CHN1: variants seen among roughly 807,000 people sequenced by gnomAD.
CHN1 encodes chimerin 1, also known as N-chimaerin.
In CHN1, 37 loss-of-function variants were observed where a neutral mutation model predicts 59.5. The ratio of observed to expected loss-of-function variants is 0.62; its 90% CI spans 0.48 to 0.82. CHN1 has a LOEUF of 0.82. Among genes scored for constraint, CHN1 ranks in the 40% least tolerant of loss-of-function variants. CHN1 has a pLI of 0.00. For synonymous variants in CHN1, 206 were observed against 200.4 expected, an observed-to-expected ratio of 1.03 and a Z score of -0.24; for missense variants, 469 against 571.0, an observed-to-expected ratio of 0.82 and a Z score of 1.82.
intron 1 of CHN1, among the ~76,000 whole-genome samples, chr2:174,975,646 C>T (rs927092945): frequency 7.7e-6 from 1 of 130,082 alleles, no homozygotes; most frequent in Admixed American, 7.4e-5. Flanking sequence ...GCAAAAAAAA[C>T]AAAACAAACA....
chr2:174,832,611 A>T (rs1685918319), intron 7 of CHN1, among the ~76,000 whole-genome samples: 1 of 152,064 alleles, frequency 6.6e-6, no homozygotes. Flanking sequence ...AGTATGTGGG[A>T]AATTTTTCAG....
At chr2:174,893,317 T>C (rs374812996) in intron 5 of CHN1, among the ~76,000 whole-genome samples, 12 of 152,302 alleles carry the variant, frequency 7.9e-5, no homozygotes, top group Middle Eastern at 3.4e-3. Flanking sequence ...TATATTTCTA[T>C]GTAGTAACAA....
At chr2:174,819,710 A>T (rs1027456064) in intron 8 of CHN1, among the ~76,000 whole-genome samples, 2 of 151,874 alleles carry the variant, frequency 1.3e-5, no homozygotes, top group African/African-American at 4.8e-5. Context: ...CATGTGCACA[A>T]TGTGCAGGTT....
At chr2:174,849,822 G>A (rs999680523) in intron 6 of CHN1, among the ~76,000 whole-genome samples, 1 of 152,138 alleles carries the variant, frequency 6.6e-6, no homozygotes, top group African/African-American at 2.4e-5. Flanking sequence ...ACTTCCCAAA[G>A]TTGCACAGCT....
intron 1 of CHN1, among the ~76,000 whole-genome samples, chr2:174,988,223 GGT>G: frequency 6.6e-6 from 1 of 151,762 alleles, no homozygotes; most frequent in Non-Finnish European, 1.5e-5. Flanking sequence ...CGGGCATGGT[GGT>G]GCGCGCCTGT....
At chr2:174,914,294 G>C (rs981682848) in intron 5 of CHN1, among the ~76,000 whole-genome samples, 2 of 152,174 alleles carry the variant, frequency 1.3e-5, no homozygotes, top group African/African-American at 2.4e-5. Flanking sequence ...AGGAGTATTT[G>C]TTTCTGGGCA....
intron 3 of CHN1, among the ~76,000 whole-genome samples, chr2:174,921,789 AACTC>A (rs1689026289): frequency 6.6e-6 from 1 of 152,148 alleles, no homozygotes; most frequent in Non-Finnish European, 1.5e-5. Context: ...ATCTCGTGAG[AACTC>A]ACTCACTATC....
intron 5 of CHN1, among the ~76,000 whole-genome samples, chr2:174,909,430 C>T (rs1688626729): frequency 6.6e-6 from 1 of 152,156 alleles, no homozygotes; most frequent in African/African-American, 2.4e-5. Context: ...TGCATTTCCC[C>T]GAGATGTTAC....
intron 1 of CHN1, among the ~76,000 whole-genome samples, chr2:175,001,702 T>C (rs1574262262): frequency 6.6e-6 from 1 of 152,298 alleles, no homozygotes; most frequent in East Asian, 1.9e-4. Flanking sequence ...CGACGGTAAC[T>C]GAGTTCCCAA....
intron 1 of CHN1, among the ~76,000 whole-genome samples, chr2:174,972,409 A>C (rs1690787256): frequency 6.6e-6 from 1 of 152,154 alleles, no homozygotes; most frequent in Non-Finnish European, 1.5e-5. Flanking sequence ...GTAATCCCTA[A>C]CCCAATTTCA....
intron 8 of CHN1, 34 bp downstream of exon 8, chr2:174,824,400 T>C (rs1685612222): frequency 6.6e-7 from 1 of 1,509,794 alleles, no homozygotes; most frequent in Non-Finnish European, 9.1e-7. Context: ...ACTTCACAAC[T>C]GACTCAATCC....
At chr2:174,848,454 C>T (rs973840973) in intron 6 of CHN1, among the ~76,000 whole-genome samples, 1 of 152,118 alleles carries the variant, frequency 6.6e-6, no homozygotes, top group African/African-American at 2.4e-5. Flanking sequence ...TTTTGGTTCC[C>T]TAAGTACGTC....
intron 1 of CHN1, among the ~76,000 whole-genome samples, chr2:174,986,517 C>G (rs183961685): frequency 2.0e-5 from 3 of 152,112 alleles, no homozygotes; most frequent in Non-Finnish European, 4.4e-5. Context: ...GTCCATGATT[C>G]TCTTTAGACT....
intron 1 of CHN1, among the ~76,000 whole-genome samples, chr2:174,965,853 A>C (rs148310694): frequency 6.6e-6 from 1 of 152,314 alleles, no homozygotes; most frequent in Non-Finnish European, 1.5e-5. Flanking sequence ...TTGACTATAA[A>C]GTGATTTTTG....
chr2:175,001,784 A>G (rs116217706), intron 1 of CHN1, among the ~76,000 whole-genome samples: 2,915 of 152,296 alleles, frequency 0.019, 87 homozygotes, highest in African/African-American at 0.067. Context: ...CTGCCAAGGC[A>G]AGAGCTGGCA....
chr2:174,883,464 CT>C (rs2105338934), intron 5 of CHN1, among the ~76,000 whole-genome samples: 2 of 152,286 alleles, frequency 1.3e-5, no homozygotes, highest in South Asian at 4.1e-4. Flanking sequence ...AAAGATTCTA[CT>C]CTTGGAAATC....
chr2:174,870,704 G>A (rs1164778885), intron 6 of CHN1, among the ~76,000 whole-genome samples: 1 of 152,202 alleles, frequency 6.6e-6, no homozygotes, highest in Admixed American at 6.5e-5. Flanking sequence ...TAAGCTACCA[G>A]AGTTGATTCC....
At chr2:174,830,307 T>C (rs1046896572) in intron 7 of CHN1, among the ~76,000 whole-genome samples, 15 of 152,204 alleles carry the variant, frequency 9.9e-5, no homozygotes, top group African/African-American at 3.6e-4. Context: ...TTTATATTAT[T>C]ATGCCGTGAA....
chr2:174,978,191 T>C (rs1691015068), intron 1 of CHN1, among the ~76,000 whole-genome samples: 1 of 152,236 alleles, frequency 6.6e-6, no homozygotes, highest in African/African-American at 2.4e-5. Context: ...GTTCATGCAT[T>C]GCTTTTGGTT....
Sources: gnomAD v4.1 joint callset for allele counts (sites outside exome capture counted in the v4.1 genomes callset) on GRCh38, gnomAD v4.1.1 for gene constraint, MANE v1.5 for transcripts, NCBI Gene and HGNC (gene_info 2026-07-23, HGNC 2026-07-21) for gene names.